PLCE1: variants seen among roughly 807,000 people sequenced by gnomAD.
PLCE1 encodes the protein 1-phosphatidylinositol 4,5-bisphosphate phosphodiesterase epsilon-1.
A neutral mutation model predicts 242.8 loss-of-function variants in PLCE1; 119 were observed. The observed-to-expected ratio is 0.49, with a 90% CI of 0.42 to 0.57. The LOEUF is 0.57. Among genes scored for constraint, PLCE1 ranks in the 20% least tolerant of loss-of-function variants. The probability of loss-of-function intolerance (pLI) is 0.00; values close to 1 mark genes in which losing one functional copy is unlikely to be tolerated. For missense variants in PLCE1, 2,441 were observed against 2,788.8 expected (o/e 0.88, Z 2.81); for synonymous variants, 945 against 1,017.4 (o/e 0.93, Z 1.35).
chr10:94,049,471 A>G (rs575154019), intron 2 of PLCE1, among the ~76,000 whole-genome samples: 2 of 152,206 alleles, frequency 1.3e-5, no homozygotes, highest in East Asian at 3.9e-4. Context: ...TGAGCCCTTT[A>G]ATTTAGTTCA....
intron 1 of PLCE1, among the ~76,000 whole-genome samples, chr10:94,014,526 A>T (rs1359849408): frequency 6.6e-6 from 1 of 152,078 alleles, no homozygotes. Context: ...AATAAAAAAT[A>T]AAGTGTACAG....
At chr10:94,082,286 T>G (rs996541438) in intron 2 of PLCE1, 3 of 152,200 alleles carry the variant, frequency 2.0e-5, no homozygotes, top group Admixed American at 1.3e-4. Flanking sequence ...AATTATTGCC[T>G]TAGTGTCATT....
rs1243136941 is a variant in PLCE1 at position 94,284,962 on chromosome 10, C to A, written c.5032C>A (p.Pro1678Thr). ...LVIYCQAVKF[P>T]GLSTLNASGS... ...AATCTATTGTCAAGCAGTAAAATTT[C>A]CAGGTAAGATTAGGCAATATCATCT... The change falls in exon 22 of 33, where the codon CCA (proline) becomes ACA (threonine). Residue 1678 changes from proline (P) to threonine (T), a missense_variant. Around this residue, in one of 5 missense-constraint regions of PLCE1, gnomAD observed 1,004 missense variants for 1,322.7 expected, o/e 0.76. Transcript: ENST00000371380. 13 of 1,556,560 alleles carry A rather than the reference C, an allele frequency of 8.4e-6. No homozygotes were observed. Among genetic ancestry groups the A allele is most frequent in the Non-Finnish European group, 1.2e-5 (13 of 1,128,060 alleles).
chr10:94,058,342 A>G (rs1309068481), intron 2 of PLCE1, among the ~76,000 whole-genome samples: 1 of 152,198 alleles, frequency 6.6e-6, no homozygotes, highest in African/African-American at 2.4e-5. Context: ...TGTCAACAGC[A>G]GAGATATCAA....
At chr10:94,053,385 T>A (rs889171527) in intron 2 of PLCE1, among the ~76,000 whole-genome samples, 2 of 152,264 alleles carry the variant, frequency 1.3e-5, no homozygotes, top group Non-Finnish European at 2.9e-5. Context: ...ATTGTGAAGA[T>A]CTTTAGTACA....
At chr10:94,233,953 A>G in intron 5 of PLCE1, 101 bp from the exon 6 acceptor site, 15 of 1,183,794 alleles carry the variant, frequency 1.3e-5, no homozygotes, top group Non-Finnish European at 1.7e-5. Flanking sequence ...ACCTAAAAAA[A>G]AAAAATGGTA....
intron 4 of PLCE1, among the ~76,000 whole-genome samples, chr10:94,188,843 G>T (rs916557286): frequency 1.3e-5 from 2 of 152,000 alleles, no homozygotes; most frequent in Non-Finnish European, 2.9e-5. Flanking sequence ...GACCTCAGGT[G>T]ATCCACCTGC....
intron 1 of PLCE1, among the ~76,000 whole-genome samples, chr10:94,003,729 G>A (rs1190354228): frequency 6.6e-6 from 1 of 152,208 alleles, no homozygotes; most frequent in East Asian, 1.9e-4. Flanking sequence ...GCGAGTATAA[G>A]GAGAATGAAG....
intron 4 of PLCE1, among the ~76,000 whole-genome samples, chr10:94,174,594 A>T (rs1362194361): frequency 5.9e-5 from 9 of 152,180 alleles, no homozygotes; most frequent in Non-Finnish European, 1.5e-5. Flanking sequence ...AATGAGACAT[A>T]TCAACATATG....
Position 94,172,583 on chromosome 10 carries a change from T to G in PLCE1, c.1809+1087T>G, listed in dbSNP as rs182989345. Among the ~76,000 whole-genome samples, 4 of 152,162 alleles carry G rather than the reference T, an allele frequency of 2.6e-5. No homozygotes were observed. The East Asian group carries it at 7.7e-4, about 29-fold the overall frequency. On this transcript the variant is annotated intron_variant, in intron 4 of 32. Coordinates refer to ENST00000371380, the MANE Select transcript of PLCE1 (RefSeq NM_016341.4). ...GGCTCATGCCTGTAATCCCAGTGCT[T>G]TAGGAGGGTGAGACAGGAGGATCGC... is the stretch of plus-strand genomic sequence containing the variant.
At chr10:94,282,624 A>G (rs1407647766) in intron 20 of PLCE1, among the ~76,000 whole-genome samples, 2 of 152,166 alleles carry the variant, frequency 1.3e-5, no homozygotes, top group Non-Finnish European at 2.9e-5. Flanking sequence ...TAGTCCTTGC[A>G]TTGTTCCACA....
intron 2 of PLCE1, chr10:94,100,619 G>A (rs1330420322): frequency 6.6e-6 from 1 of 152,176 alleles, no homozygotes; most frequent in East Asian, 1.9e-4. Flanking sequence ...GAAAGAGAAA[G>A]CAGGGAAGGT....
chr10:94,255,601 G>GTAA (rs2051043922), intron 11 of PLCE1, among the ~76,000 whole-genome samples: 1 of 152,196 alleles, frequency 6.6e-6, no homozygotes, highest in Non-Finnish European at 1.5e-5. Flanking sequence ...TTTCTCATAT[G>GTAA]TAAGTTATGC....
intron 3 of PLCE1, among the ~76,000 whole-genome samples, chr10:94,169,621 G>A (rs1002840130): frequency 1.3e-5 from 2 of 152,192 alleles, no homozygotes; most frequent in African/African-American, 4.8e-5. Flanking sequence ...GCAAACGCAG[G>A]TTTGGGAATG....
At chr10:94,274,590 AG>A (rs1282832325) in intron 19 of PLCE1, among the ~76,000 whole-genome samples, 2 of 152,204 alleles carry the variant, frequency 1.3e-5, no homozygotes. Context: ...CATCAGTGTG[AG>A]GAGCCAGCTG....
chr10:94,266,931 G>A (rs528333905), intron 16 of PLCE1, among the ~76,000 whole-genome samples: 3 of 152,328 alleles, frequency 2.0e-5, no homozygotes, highest in South Asian at 2.1e-4. Flanking sequence ...TAGAAGTTCT[G>A]TCATGGGGCC....
chr10:94,316,714 A>T lies in PLCE1; in HGVS notation c.6300A>T (p.Glu2100Asp). ...IMQILSSWFPEEGYMGRIVLK... is the reference protein window; with the variant it reads ...IMQILSSWFPDEGYMGRIVLK... The stretch of plus-strand genomic sequence containing the variant: ...AAATTTTAAGCAGCTGGTTTCCAGA[A>T]GAGGGATACATGGGCAGGATTGTCT... Residue 2100 changes from glutamate to aspartate, a missense_variant, in exon 29 of 33, where the codon GAA (glutamate) becomes GAT (aspartate). By Grantham distance (45) the Glu-to-Asp change is conservative. Around this residue, in one of 5 missense-constraint regions of PLCE1, gnomAD observed 310 missense variants for 317.2 expected, o/e 0.98. Transcript: ENST00000371380. 6.2e-7 allele frequency: 1 copy of T among 1,614,080 alleles called. No individual in the cohort carries two copies. The highest frequency in any genetic ancestry group is 8.5e-7 in the Non-Finnish European group (1 of 1,179,942).
intron 3 of PLCE1, among the ~76,000 whole-genome samples, chr10:94,157,375 C>G (rs569427256): frequency 5.3e-5 from 8 of 152,150 alleles, no homozygotes; most frequent in Non-Finnish European, 7.3e-5. Context: ...ATTTCCCCAT[C>G]ATCACTGTGA....
intron 1 of PLCE1, among the ~76,000 whole-genome samples, chr10:94,022,012 C>G (rs946544083): frequency 3.9e-5 from 6 of 151,918 alleles, no homozygotes; most frequent in African/African-American, 7.2e-5. Context: ...GATGTATGCT[C>G]TTAGTACTTA....
Sources: gnomAD v4.1 joint callset for allele counts (sites outside exome capture counted in the v4.1 genomes callset) on GRCh38, gnomAD v4.1.1 for gene constraint, gnomAD v4.1.1 regional missense constraint, MANE v1.5 for transcripts, NCBI Gene and HGNC (gene_info 2026-07-23, HGNC 2026-07-21) for gene names.